The following DBF4B variants were observed in gnomAD, a reference collection of about 807,000 sequenced individuals.
The protein encoded by DBF4B is protein DBF4 homolog B.
In DBF4B, 49 loss-of-function variants were observed where a neutral mutation model predicts 53.4. The ratio of observed to expected loss-of-function variants is 0.92; its 90% CI spans 0.73 to 1.16. The LOEUF is 1.16. DBF4B is among the 50% of genes most tolerant of loss of function. DBF4B has a pLI of 0.00. For synonymous variants in DBF4B, 257 were observed against 288.7 expected (o/e 0.89, Z 1.11); for missense variants, 692 against 775.0 (o/e 0.89, Z 1.27).
intron 2 of DBF4B, among the ~76,000 whole-genome samples, chr17:44,721,022 C>T (rs747859681): frequency 2.6e-4 from 40 of 151,640 alleles, no homozygotes; most frequent in African/African-American, 9.2e-4. Context: ...TGAACCACCA[C>T]GCCCGGTTAT....
At chr17:44,733,185 A>G (rs564450654) in intron 6 of DBF4B, among the ~76,000 whole-genome samples, 23 of 146,868 alleles carry the variant, frequency 1.6e-4, no homozygotes, top group African/African-American at 5.6e-4. Context: ...AAAAAAATTC[A>G]TGGCCACCTA....
chr17:44,747,063 G>A lies in DBF4B; in HGVS notation c.831-20G>A, dbSNP rs750888952. 5.6e-6 allele frequency: 9 copies of A among 1,610,428 alleles called. No individual in the cohort carries two copies. The highest frequency in any genetic ancestry group is 1.1e-5 in the South Asian group (1 of 90,982). ...GGGCCCCAGCAGTAACCACTTTGCCGCACTATGTACCCTCCCCAGAGAATC... is the reference window on the plus strand; with the variant it reads ...GGGCCCCAGCAGTAACCACTTTGCCACACTATGTACCCTCCCCAGAGAATC... On this transcript the variant is annotated intron_variant, in intron 10 of 13. Coordinates refer to ENST00000315005, the MANE Select transcript of DBF4B (RefSeq NM_145663.3).
intron 7 of DBF4B, among the ~76,000 whole-genome samples, chr17:44,734,681 A>G (rs972730641): frequency 1.3e-5 from 2 of 152,240 alleles, no homozygotes; most frequent in Admixed American, 6.5e-5. Context: ...ATCTTCACCC[A>G]AGCCTCAATC....
intron 10 of DBF4B, among the ~76,000 whole-genome samples, chr17:44,741,978 G>T (rs940423729): frequency 6.6e-6 from 1 of 152,078 alleles, no homozygotes; most frequent in East Asian, 1.9e-4. Flanking sequence ...TGGGCACAGT[G>T]GCTGATGCCT....
At chr17:44,721,618 C>A (rs542260981) in intron 2 of DBF4B, among the ~76,000 whole-genome samples, 4 of 152,114 alleles carry the variant, frequency 2.6e-5, no homozygotes, top group Admixed American at 2.6e-4. Flanking sequence ...TTTCTTTTTC[C>A]TATCTGGTTC....
chr17:44,749,993 C>A lies in DBF4B; in HGVS notation c.1190-602C>A. 9.9e-7 allele frequency: 1 copy of A among 1,007,612 alleles called. No individual in the cohort carries two copies. The highest frequency in any genetic ancestry group is 4.2e-5 in the South Asian group (1 of 23,628). The allele number at this position is 1,007,612 out of a possible 1,614,324, so 62.4% of individuals were successfully genotyped here. A position where few individuals can be genotyped will look rare whatever the true frequency, so the allele number is the denominator to read the frequency against. On this transcript the variant is annotated intron_variant, in intron 13 of 13. Coordinates refer to ENST00000315005, the MANE Select transcript of DBF4B (RefSeq NM_145663.3). This position sits in a 1 kb window ranked among gnomAD's most constrained non-coding sequence, Gnocchi z 4.4. ...CCCTCCCCCAGGCACTTAGTTGGGG[C>A]CCAGCACTGACCTTTCCCCTGAGCC... is the stretch of plus-strand genomic sequence containing the variant.
intron 2 of DBF4B, among the ~76,000 whole-genome samples, chr17:44,712,289 G>A (rs1447316694): frequency 1.2e-4 from 16 of 135,474 alleles, no homozygotes; most frequent in Admixed American, 1.2e-3. Context: ...TTTCCATTTT[G>A]AATTATGTCT....
At chr17:44,709,517 T>G in intron 2 of DBF4B, 151 bp downstream of exon 2, 1 of 930,904 alleles carries the variant, frequency 1.1e-6, no homozygotes. Flanking sequence ...GATGGGGTCT[T>G]GCTGTGTTGG....
At chr17:44,740,367 C>T (rs1379578444) in intron 9 of DBF4B, among the ~76,000 whole-genome samples, 2 of 152,208 alleles carry the variant, frequency 1.3e-5, no homozygotes, top group Non-Finnish European at 2.9e-5. Flanking sequence ...AGTTACCTCA[C>T]TTGGCAGGGT....
intron 2 of DBF4B, among the ~76,000 whole-genome samples, chr17:44,711,406 G>A (rs1008796703): frequency 6.6e-6 from 1 of 152,096 alleles, no homozygotes; most frequent in Non-Finnish European, 1.5e-5. Context: ...AAAGCCCTGG[G>A]TGCAAGCAAT....
intron 7 of DBF4B, among the ~76,000 whole-genome samples, chr17:44,734,492 A>G (rs1042399534): frequency 1.5e-4 from 23 of 152,332 alleles, no homozygotes; most frequent in African/African-American, 4.8e-4. Flanking sequence ...CCAGGCTGCT[A>G]TTCTGGAACT....
chr17:44,730,919 A>G, intron 4 of DBF4B, 46 bp from the exon 5 acceptor site: 3 of 1,606,764 alleles, frequency 1.9e-6, no homozygotes, highest in South Asian at 1.1e-5. Context: ...CTTTCAGTGC[A>G]CAGGTGGCCT....
chr17:44,730,014 C>T lies in DBF4B; in HGVS notation c.335C>T (p.Pro112Leu), dbSNP rs1404441414. ...KSHRGCPSPS[P>L]SEVRVETSAM... ...CATAGAGGCTGCCCTAGCCCTAGCC[C>T]CAGTGAGGTCAGAGTGGAAACATCG... The change falls in exon 4 of 14, where the codon CCC becomes CTC. Residue 112 changes from proline (P) to leucine (L), a missense_variant. Physicochemically the swap from Pro to Leu is moderately conservative, Grantham distance 98. Coordinates refer to ENST00000315005, the MANE Select transcript of DBF4B (RefSeq NM_145663.3). 1 of 1,613,568 alleles carries T rather than the reference C, an allele frequency of 6.2e-7. No homozygotes were observed. The highest frequency in any genetic ancestry group is 1.3e-5 in the African/African-American group (1 of 74,886).
At chr17:44,750,522 T>C in intron 13 of DBF4B, 73 bp from the exon 14 acceptor site, 1 of 1,511,740 alleles carries the variant, frequency 6.6e-7, no homozygotes, top group Non-Finnish European at 8.8e-7. Context: ...GAAATGTAAA[T>C]AAATTTGTTA....
chr17:44,722,129 C>T (rs927126682), intron 2 of DBF4B, among the ~76,000 whole-genome samples: 2 of 150,140 alleles, frequency 1.3e-5, no homozygotes, highest in African/African-American at 2.4e-5. Flanking sequence ...AGCGAAACTC[C>T]GTTTCAAAAG....
intron 2 of DBF4B, among the ~76,000 whole-genome samples, chr17:44,711,413 C>T (rs1972854052): frequency 6.6e-6 from 1 of 152,192 alleles, no homozygotes; most frequent in African/African-American, 2.4e-5. Flanking sequence ...TGGGTGCAAG[C>T]AATTCTCCTG....
chr17:44,730,814 C>T, intron 4 of DBF4B, 151 bp from the exon 5 acceptor site: 1 of 744,856 alleles, frequency 1.3e-6, no homozygotes, highest in Non-Finnish European at 2.2e-6. Flanking sequence ...GTTTTCTAGG[C>T]TCTCATTTCT....
chr17:44,741,624 T>G (rs1033780993), intron 10 of DBF4B, among the ~76,000 whole-genome samples, 172 bp downstream of exon 10: 2 of 152,226 alleles, frequency 1.3e-5, no homozygotes, highest in Non-Finnish European at 2.9e-5. Flanking sequence ...CATTTTATTT[T>G]GTGTTCTTCA....
Position 44,748,326 on chromosome 17 carries a change from T to C in DBF4B, c.1065-15T>C. ...AAGTTGAAACCTGCAGCTCACAGTG[T>C]TTCTGTCCCAACAGGTGGTCAGGTT... On this transcript the variant is annotated splice_polypyrimidine_tract_variant and intron_variant, in intron 12 of 13. Coordinates refer to ENST00000315005, the MANE Select transcript of DBF4B (RefSeq NM_145663.3). 2.5e-6 allele frequency: 4 copies of C among 1,580,468 alleles called. No homozygotes were observed. The highest frequency in any genetic ancestry group is 3.4e-6 in the Non-Finnish European group (4 of 1,163,134).
Sources: allele counts gnomAD v4.1 joint callset (sites outside exome capture counted in the v4.1 genomes callset), GRCh38; gene constraint gnomAD v4.1.1; non-coding constraint Gnocchi (gnomAD v3.1); transcripts MANE v1.5; gene names NCBI Gene and HGNC (gene_info 2026-07-23, HGNC 2026-07-21).